Variants in NFS1 observed in about 807,000 individuals in gnomAD.
The protein encoded by NFS1 is NFS1 cysteine desulfurase.
NFS1 carries 26 observed loss-of-function variants against 57.3 expected under a neutral mutation model. The ratio of observed to expected loss-of-function variants is 0.45; its 90% CI spans 0.33 to 0.63. The LOEUF (loss-of-function observed/expected upper bound fraction) is 0.63. Among genes scored for constraint, NFS1 ranks in the 20% least tolerant of loss-of-function variants. The pLI is 0.02. For missense variants in NFS1, 505 were observed against 605.8 expected, an observed-to-expected ratio of 0.83 and a Z score of 1.75; for synonymous variants, 209 against 216.3, an observed-to-expected ratio of 0.97 and a Z score of 0.30.
chr20:35,685,576 C>A (rs145273680), intron 5 of NFS1, among the ~76,000 whole-genome samples: 3,337 of 138,552 alleles, frequency 0.024, 206 homozygotes, highest in African/African-American at 0.087. Context: ...ATATATATAG[C>A]AGCCGGGCGC....
chr20:35,672,653 C>T (rs1012035130), intron 12 of NFS1, 102 bp downstream of exon 12: 8 of 765,708 alleles, frequency 1.0e-5, no homozygotes, highest in South Asian at 4.4e-5. Flanking sequence ...GATCCAAGTA[C>T]GCTTGAACTT....
At chr20:35,672,974 G>A in intron 11 of NFS1, 130 bp from the exon 12 acceptor site, 1 of 622,098 alleles carries the variant, frequency 1.6e-6, no homozygotes, top group East Asian at 2.8e-5. Context: ...TTCCCCTTTA[G>A]GCAGAGTTTC....
chr20:35,680,894 C>A (rs1601523727), intron 6 of NFS1, 23 bp from the exon 7 acceptor site: 2 of 1,467,216 alleles, frequency 1.4e-6, no homozygotes, highest in East Asian at 5.2e-5. Context: ...AGGGGAAGAC[C>A]CACAGCACAA....
intron 12 of NFS1, among the ~76,000 whole-genome samples, chr20:35,671,952 T>G (rs2034662845): frequency 7.1e-6 from 1 of 141,122 alleles, no homozygotes; most frequent in Admixed American, 6.7e-5. Flanking sequence ...TAGTTTGTTG[T>G]TTTTGTTTTT....
chr20:35,685,529 A>G (rs2034923294), intron 5 of NFS1, among the ~76,000 whole-genome samples: 2 of 143,854 alleles, frequency 1.4e-5, no homozygotes, highest in Admixed American at 1.4e-4. Context: ...CTCATAAAAA[A>G]AAATTATATA....
At chr20:35,684,423 A>C (rs892979017) in intron 5 of NFS1, among the ~76,000 whole-genome samples, 262 of 139,290 alleles carry the variant, frequency 1.9e-3, no homozygotes, top group East Asian at 0.014. Flanking sequence ...AATAAAATAA[A>C]ATAAAATAAA....
At chr20:35,674,215 G>A (rs539153295) in intron 10 of NFS1, 135 bp downstream of exon 10, 4 of 750,198 alleles carry the variant, frequency 5.3e-6, no homozygotes, top group Admixed American at 2.1e-5. Context: ...CAAAAAAAGA[G>A]AGGCACTTAC....
chr20:35,674,909 G>T, intron 8 of NFS1, 136 bp downstream of exon 8: 1 of 1,187,938 alleles, frequency 8.4e-7, no homozygotes, highest in Non-Finnish European at 1.2e-6. Flanking sequence ...CAAGGTGCCA[G>T]CAGCACCAGG....
chr20:35,692,409 A>G, intron 4 of NFS1: 1 of 178,050 alleles, frequency 5.6e-6, no homozygotes, highest in Non-Finnish European at 1.1e-5. Flanking sequence ...TAAAAAAAAA[A>G]AAGGGGGCTG....
At position 35,668,727 on chromosome 20, in the gene NFS1, C is replaced by T. The variant is rs1405338528; in HGVS notation, c.*895G>A. On this transcript the variant is annotated 3_prime_UTR_variant, in exon 13 of 13. Coordinates refer to ENST00000374092, the MANE Select transcript of NFS1 (RefSeq NM_021100.5). ...ATTGTTTATTTGTTTAATTATTTTC[C>T]ATCTCTCCACTAAAATTTAAAACTC... The T allele has an allele frequency of 1.3e-5, 2 of 152,150 alleles. No homozygotes were observed. Among genetic ancestry groups the T allele is most frequent in the Non-Finnish European group, 2.9e-5 (2 of 68,036 alleles). The allele number at this position is 152,150 out of a possible 1,614,324, so 9.4% of individuals were successfully genotyped here.
Position 35,672,782 on chromosome 20 carries a change from T to C in NFS1, c.1283A>G (p.Gln428Arg). The C allele has an allele frequency of 6.2e-7, 1 of 1,613,594 alleles. No homozygotes were observed. Among genetic ancestry groups the C allele is most frequent in the Non-Finnish European group, 8.5e-7 (1 of 1,179,512 alleles). Residue 428 changes from glutamine (Q) to arginine (R), a missense_variant, in exon 12 of 13, where the codon CAG becomes CGG. By Grantham distance (43) the Gln-to-Arg change is conservative. Transcript: ENST00000374092. ...CATTTCTCGAAGACGCTTCACATGC[T>C]GAATGCATTTCTCCACTGTGTAGTC... is the stretch of plus-strand genomic sequence containing the variant. Reference protein sequence around the residue: ...EVDYTVEKCIQHVKRLREMSP... With the variant: ...EVDYTVEKCIRHVKRLREMSP...
Position 35,676,837 on chromosome 20 carries a change from G to A in NFS1, c.791-1635C>T, listed in dbSNP as rs191002871. 2.6e-4 allele frequency among the ~76,000 whole-genome samples: 39 copies of A among 150,310 alleles called. No homozygotes were observed. The Middle Eastern group carries it at 0.011, about 41-fold the overall frequency. ...GGGAACTGCATAGCTGGAGGTCAGA[G>A]GTGAGAGGCAGACTTTTGTCTGTGC... On this transcript the variant is annotated intron_variant, in intron 7 of 12. Coordinates refer to ENST00000374092, the MANE Select transcript of NFS1 (RefSeq NM_021100.5).
rs764975809 is a variant in NFS1, at chr20:35,680,541, G to A, written c.790+196C>T. ...TAAAGAGAGCAAGAAAGAATGGCCT[G>A]ATGTATAGTAACTGCTAAGGTCTAC... On this transcript the variant is annotated intron_variant, in intron 7 of 12. Transcript: ENST00000374092. Among the ~76,000 whole-genome samples the A allele has an allele frequency of 4.6e-5, 7 of 152,238 alleles. No homozygotes were observed. The East Asian group carries it at 1.3e-3, about 29-fold the overall frequency.
At chr20:35,671,753 A>G (rs562726585) in intron 12 of NFS1, among the ~76,000 whole-genome samples, 2 of 151,526 alleles carry the variant, frequency 1.3e-5, no homozygotes, top group African/African-American at 4.8e-5. Flanking sequence ...AACCAGGCAT[A>G]GTGGCACATG....
intron 3 of NFS1, among the ~76,000 whole-genome samples, chr20:35,696,802 C>T (rs2035141881): frequency 6.6e-6 from 1 of 152,102 alleles, no homozygotes; most frequent in African/African-American, 2.4e-5. Context: ...AACTCCATTT[C>T]TACTAAGAAT....
intron 7 of NFS1, chr20:35,675,737 C>CGTG (rs1481065118): frequency 6.5e-6 from 1 of 154,570 alleles, no homozygotes; most frequent in Non-Finnish European, 1.4e-5. Flanking sequence ...ATTAGCCAAG[C>CGTG]GTGGTAGCAG....
chr20:35,675,343 G>C, intron 7 of NFS1, 141 bp from the exon 8 acceptor site: 1 of 850,354 alleles, frequency 1.2e-6, no homozygotes, highest in Non-Finnish European at 1.8e-6. Flanking sequence ...TTAAGGAAAA[G>C]AAGAAACAGC....
intron 6 of NFS1, among the ~76,000 whole-genome samples, chr20:35,681,262 T>C (rs565028128): frequency 1.3e-5 from 2 of 152,302 alleles, no homozygotes; most frequent in African/African-American, 4.8e-5. Flanking sequence ...TAACAGATCT[T>C]TGTGCTAATG....
chr20:35,677,395 G>T (rs1169477732), intron 7 of NFS1, among the ~76,000 whole-genome samples: 1 of 151,920 alleles, frequency 6.6e-6, no homozygotes. Context: ...ACTTAGCTGG[G>T]CATGGTGGCA....
Sources: gnomAD v4.1 joint callset for allele counts (sites outside exome capture counted in the v4.1 genomes callset) on GRCh38, gnomAD v4.1.1 for gene constraint, MANE v1.5 for transcripts, NCBI Gene and HGNC (gene_info 2026-07-23, HGNC 2026-07-21) for gene names.